Variants in MGMT observed in about 807,000 individuals in gnomAD.
MGMT encodes O-6-methylguanine-DNA methyltransferase, also known as methylated-DNA--protein-cysteine methyltransferase.
A neutral mutation model predicts 15.9 loss-of-function variants in MGMT; 14 were observed. That is an observed-to-expected ratio of 0.88 (90% confidence interval 0.58 to 1.37). The LOEUF (loss-of-function observed/expected upper bound fraction) is 1.37. Among genes scored for constraint, MGMT ranks in the 40% most tolerant of loss-of-function variants. The pLI is 0.00. For missense variants in MGMT, 282 were observed against 268.1 expected, an observed-to-expected ratio of 1.05 and a Z score of -0.36; for synonymous variants, 130 against 118.2, an observed-to-expected ratio of 1.10 and a Z score of -0.65.
chr10:129,598,351 G>T, intron 2 of MGMT, among the ~76,000 whole-genome samples: 1 of 152,190 alleles, frequency 6.6e-6, no homozygotes, highest in East Asian at 1.9e-4. Flanking sequence ...GCTTCCATCT[G>T]TATAAGGGGA....
At chr10:129,692,705 A>T (rs187281680) in intron 2 of MGMT, among the ~76,000 whole-genome samples, 31 of 152,276 alleles carry the variant, frequency 2.0e-4, no homozygotes, top group African/African-American at 7.2e-4. Context: ...CCTCAGCTGC[A>T]GGGTTGCAGT....
chr10:129,473,004 A>G (rs1845249785), intron 1 of MGMT, among the ~76,000 whole-genome samples: 1 of 152,216 alleles, frequency 6.6e-6, no homozygotes. Context: ...ACATCGGCCT[A>G]GAGTGGGCAG....
intron 2 of MGMT, among the ~76,000 whole-genome samples, chr10:129,644,550 G>C (rs1180356770): frequency 6.6e-6 from 1 of 151,502 alleles, no homozygotes; most frequent in Non-Finnish European, 1.5e-5. Context: ...CAGAGTGCTT[G>C]GGTTCCCCCC....
intron 2 of MGMT, among the ~76,000 whole-genome samples, chr10:129,583,375 A>T (rs992761018): frequency 6.6e-6 from 1 of 152,258 alleles, no homozygotes. Flanking sequence ...AAATTTATAA[A>T]GGAATGAGTG....
chr10:129,704,473 C>T (rs1848135926), intron 2 of MGMT, among the ~76,000 whole-genome samples: 1 of 152,052 alleles, frequency 6.6e-6, no homozygotes, highest in Non-Finnish European at 1.5e-5. Flanking sequence ...CGTGAGTTCC[C>T]TTGGGCAGGG....
chr10:129,674,005 A>G (rs963066727), intron 2 of MGMT, among the ~76,000 whole-genome samples: 1 of 152,150 alleles, frequency 6.6e-6, no homozygotes, highest in Non-Finnish European at 1.5e-5. Context: ...GACCTCTTAC[A>G]TATAGCAATT....
intron 2 of MGMT, among the ~76,000 whole-genome samples, chr10:129,655,027 C>A (rs1847508381): frequency 6.6e-6 from 1 of 152,208 alleles, no homozygotes; most frequent in Admixed American, 6.5e-5. Flanking sequence ...ACCATTCAGG[C>A]TCGATGGAGA....
intron 2 of MGMT, among the ~76,000 whole-genome samples, chr10:129,676,519 G>A (rs1847787804): frequency 6.6e-6 from 1 of 152,216 alleles, no homozygotes; most frequent in Non-Finnish European, 1.5e-5. Flanking sequence ...GGAAGTGGCT[G>A]AGATCAGCAA....
chr10:129,761,675 G>A (rs897692811), intron 4 of MGMT, among the ~76,000 whole-genome samples: 2 of 152,162 alleles, frequency 1.3e-5, no homozygotes, highest in Non-Finnish European at 2.9e-5. Flanking sequence ...TCCACACATC[G>A]GCACCCTGTC....
chr10:129,536,762 A>G (rs990825980), intron 2 of MGMT: 2 of 156,298 alleles, frequency 1.3e-5, no homozygotes, highest in African/African-American at 4.8e-5. Context: ...TTGATTAAAA[A>G]AAAAAGCCCA....
chr10:129,714,128 C>T (rs1473701766), intron 3 of MGMT, among the ~76,000 whole-genome samples: 1 of 152,234 alleles, frequency 6.6e-6, no homozygotes, highest in East Asian at 1.9e-4. Context: ...CCCTAGGCGC[C>T]CCGAGCTCTC....
chr10:129,760,349 G>T (rs993468028), intron 4 of MGMT, among the ~76,000 whole-genome samples: 28 of 152,368 alleles, frequency 1.8e-4, no homozygotes, highest in African/African-American at 6.7e-4. Context: ...CAGTGATGGT[G>T]TGTGGTCACG....
rs557388468 is a variant in MGMT, at chr10:129,565,291, G to GT, written c.125+28915dup. On this transcript the variant is annotated intron_variant, in intron 2 of 4. Coordinates refer to ENST00000651593, the MANE Select transcript of MGMT (RefSeq NM_002412.5). ...TTGAGCTACTGGCAGGTAAAAGACA[G>GT]TAAAAAAAAAAAAAATAGTGAAAGA... Among the ~76,000 whole-genome samples, 182 of 142,834 alleles carry GT rather than the reference G, an allele frequency of 1.3e-3. 1 individual carries two copies. The highest frequency in any genetic ancestry group is 4.7e-3 in the African/African-American group (180 of 37,910). 93.7% of individuals were successfully genotyped at this position (142,834 alleles called of 152,430 possible).
At chr10:129,528,963 G>T (rs762978518) in intron 1 of MGMT, among the ~76,000 whole-genome samples, 9 of 152,208 alleles carry the variant, frequency 5.9e-5, no homozygotes, top group Non-Finnish European at 1.0e-4. Flanking sequence ...AGCAAATCAC[G>T]TCACTGTGAT....
chr10:129,513,613 G>A (rs1278534178), intron 1 of MGMT, among the ~76,000 whole-genome samples: 1 of 152,042 alleles, frequency 6.6e-6, no homozygotes, highest in African/African-American at 2.4e-5. Flanking sequence ...TCAGAGCCTC[G>A]GGGACCACCA....
rs185486345 is a variant in MGMT at position 129,574,201 on chromosome 10, C to T, written c.125+37824C>T. On this transcript the variant is annotated intron_variant, in intron 2 of 4. Transcript: ENST00000651593. The stretch of plus-strand genomic sequence containing the variant: ...TTGAGCCTCACCTACAGCTTCTTGA[C>T]CTTTTGGGGAAAAAACTATCACTTT... 4.0e-3 allele frequency among the ~76,000 whole-genome samples: 608 copies of T among 152,270 alleles called. 4 individuals are homozygous for T. The highest frequency in any genetic ancestry group is 0.014 in the African/African-American group (577 of 41,556).
intron 2 of MGMT, among the ~76,000 whole-genome samples, chr10:129,568,929 T>G (rs918012602): frequency 6.6e-6 from 1 of 152,218 alleles, no homozygotes; most frequent in Admixed American, 6.5e-5. Flanking sequence ...TTCTATGCAG[T>G]TTCTTGCATG....
chr10:129,497,508 G>T (rs556540366), intron 1 of MGMT, among the ~76,000 whole-genome samples: 53 of 152,320 alleles, frequency 3.5e-4, no homozygotes, highest in African/African-American at 1.2e-3. Flanking sequence ...TAGACTTGCT[G>T]AAAAGTTGCA....
At chr10:129,582,333 G>C (rs749543449) in intron 2 of MGMT, among the ~76,000 whole-genome samples, 13 of 152,170 alleles carry the variant, frequency 8.5e-5, no homozygotes, top group Non-Finnish European at 1.5e-4. Flanking sequence ...AATTAGTTCA[G>C]AGAGTCCCTC....
Sources: allele counts gnomAD v4.1 joint callset (sites outside exome capture counted in the v4.1 genomes callset), GRCh38; gene constraint gnomAD v4.1.1; transcripts MANE v1.5; gene names NCBI Gene and HGNC (gene_info 2026-07-23, HGNC 2026-07-21).